Variants in SYNDIG1 observed in about 807,000 individuals in gnomAD.
SYNDIG1 encodes synapse differentiation-inducing gene protein 1.
SYNDIG1 carries 9 observed loss-of-function variants against 19.4 expected under a neutral mutation model. That is an observed-to-expected ratio of 0.46 (90% CI 0.28 to 0.81). SYNDIG1 has a LOEUF of 0.81. Ranked by LOEUF, SYNDIG1 falls within the 30% of genes least tolerant of loss-of-function variation. The probability of loss-of-function intolerance (pLI) is 0.12; values close to 1 mark genes in which losing one functional copy is unlikely to be tolerated. For synonymous variants in SYNDIG1, 141 were observed against 145.9 expected (o/e 0.97, Z 0.24); for missense variants, 311 against 343.3 (o/e 0.91, Z 0.74).
chr20:24,624,611 G>A (rs2059093111), intron 3 of SYNDIG1, among the ~76,000 whole-genome samples: 1 of 152,184 alleles, frequency 6.6e-6, no homozygotes, highest in Admixed American at 6.5e-5. Flanking sequence ...ATGCTCATTT[G>A]TCAGTAATTG....
At chr20:24,615,993 G>A (rs910033897) in intron 3 of SYNDIG1, among the ~76,000 whole-genome samples, 10 of 152,212 alleles carry the variant, frequency 6.6e-5, no homozygotes, top group African/African-American at 2.4e-4. Context: ...AGCAACACAC[G>A]GCAGAGTTTG....
chr20:24,470,121 A>AGAGC (rs908475172), intron 1 of SYNDIG1, among the ~76,000 whole-genome samples: 2 of 152,080 alleles, frequency 1.3e-5, no homozygotes, highest in Admixed American at 1.3e-4. Context: ...CCGAGAACTG[A>AGAGC]GAGCGTAGCG....
intron 1 of SYNDIG1, among the ~76,000 whole-genome samples, chr20:24,520,434 G>A (rs969471142): frequency 6.6e-6 from 1 of 150,960 alleles, no homozygotes; most frequent in Non-Finnish European, 1.5e-5. Flanking sequence ...GGTGGCTCAC[G>A]CCTATAATCC....
chr20:24,643,815 T>G (rs927355555), intron 3 of SYNDIG1, among the ~76,000 whole-genome samples: 1 of 152,210 alleles, frequency 6.6e-6, no homozygotes, highest in Non-Finnish European at 1.5e-5. Flanking sequence ...TCAGAGATGC[T>G]CTAAGAAGAA....
At chr20:24,483,131 G>T (rs1467792699) in intron 1 of SYNDIG1, among the ~76,000 whole-genome samples, 1 of 152,224 alleles carries the variant, frequency 6.6e-6, no homozygotes, top group Non-Finnish European at 1.5e-5. Context: ...GAAGTGGAAA[G>T]CCTGGAGCCT....
chr20:24,595,339 C>A (rs533665886), intron 3 of SYNDIG1, among the ~76,000 whole-genome samples: 1 of 152,296 alleles, frequency 6.6e-6, no homozygotes, highest in Non-Finnish European at 1.5e-5. Context: ...GTTGAACCAA[C>A]CTTGCATCCC....
chr20:24,650,795 A>C (rs1437667879), intron 3 of SYNDIG1, among the ~76,000 whole-genome samples: 2 of 152,012 alleles, frequency 1.3e-5, no homozygotes, highest in Non-Finnish European at 2.9e-5. Flanking sequence ...TCTGGCTCCC[A>C]AGGGCTCCCA....
intron 2 of SYNDIG1, among the ~76,000 whole-genome samples, chr20:24,557,666 GT>G (rs2057850538): frequency 6.6e-6 from 1 of 152,156 alleles, no homozygotes; most frequent in African/African-American, 2.4e-5. Flanking sequence ...TCCTCTGGAA[GT>G]TTTGTCTCAG....
At chr20:24,661,458 A>AAGG (rs2059591532) in intron 3 of SYNDIG1, among the ~76,000 whole-genome samples, 13 of 7,108 alleles carry the variant, frequency 1.8e-3, no homozygotes, top group African/African-American at 4.3e-3. Context: ...AGAGGGAGGA[A>AAGG]GTAGGAAGGA....
chr20:24,663,302 A>G (rs1568724523), intron 3 of SYNDIG1, among the ~76,000 whole-genome samples: 1 of 152,204 alleles, frequency 6.6e-6, no homozygotes, highest in Non-Finnish European at 1.5e-5. Flanking sequence ...AGCCAAACAT[A>G]TAAACCGGCG....
intron 3 of SYNDIG1, among the ~76,000 whole-genome samples, chr20:24,592,656 C>T (rs932973217): frequency 3.5e-4 from 54 of 152,178 alleles, no homozygotes; most frequent in African/African-American, 1.1e-3. Context: ...CTCCATTGCC[C>T]AGGCTTGAGT....
In SYNDIG1 at chr20:24,583,003, G is replaced by C. The variant is rs926819059; in HGVS notation, c.481-1853G>C. ...AGTAAACAGTGAGCCCAAGTTCCAC[G>C]AGAGGCCACCTGGGACGTCCTTATT... is the stretch of plus-strand genomic sequence containing the variant. On this transcript the variant is annotated intron_variant, in intron 2 of 3. Coordinates refer to ENST00000376862, the MANE Select transcript of SYNDIG1 (RefSeq NM_024893.3). 2.0e-5 allele frequency among the ~76,000 whole-genome samples: 3 copies of C among 152,324 alleles called. No individual in the cohort carries two copies. In the Middle Eastern group the frequency reaches 0.01, roughly 518 times the overall value.
chr20:24,615,755 T>TG (rs1415338379), intron 3 of SYNDIG1, among the ~76,000 whole-genome samples: 1 of 152,156 alleles, frequency 6.6e-6, no homozygotes, highest in African/African-American at 2.4e-5. Flanking sequence ...CTCAGCATGC[T>TG]GCTGCCCGAA....
rs2058474595 is a variant in SYNDIG1 at position 24,589,622 on chromosome 20, C to CCTGG, written c.618+4629_618+4630insCTGG. Among the ~76,000 whole-genome samples the CCTGG allele has an allele frequency of 3.3e-5, 5 of 152,376 alleles. No individual in the cohort carries two copies. In the South Asian group the frequency reaches 8.3e-4, roughly 25 times the overall value. On this transcript the variant is annotated intron_variant, in intron 3 of 3. Coordinates refer to ENST00000376862, the MANE Select transcript of SYNDIG1 (RefSeq NM_024893.3). ...GCATTGGGCCTGGACCTGCGCCGGG[C>CCTGG]AGGCCCGAGGGTTCCTGTGTTGACT...
chr20:24,559,655 C>A (rs1389084345), intron 2 of SYNDIG1, among the ~76,000 whole-genome samples: 3 of 152,190 alleles, frequency 2.0e-5, no homozygotes, highest in Non-Finnish European at 2.9e-5. Flanking sequence ...TCTTGTAAGA[C>A]AGGTCTGCTA....
chr20:24,477,466 C>G (rs993057416), intron 1 of SYNDIG1, among the ~76,000 whole-genome samples: 8 of 152,194 alleles, frequency 5.3e-5, no homozygotes, highest in Admixed American at 1.3e-4. Context: ...CAGTTACCAG[C>G]TAGTCTGTTC....
chr20:24,526,925 T>A (rs957553800), intron 1 of SYNDIG1, among the ~76,000 whole-genome samples: 5 of 152,240 alleles, frequency 3.3e-5, no homozygotes, highest in African/African-American at 1.2e-4. Context: ...TTTGTTGCTA[T>A]GTAGATTATC....
At chr20:24,537,152 C>T (rs562223753) in intron 1 of SYNDIG1, among the ~76,000 whole-genome samples, 43 of 152,296 alleles carry the variant, frequency 2.8e-4, no homozygotes, top group African/African-American at 9.9e-4. Flanking sequence ...TCTCCAGCCT[C>T]CTCCTCTGCT....
intron 1 of SYNDIG1, among the ~76,000 whole-genome samples, chr20:24,540,894 A>G (rs1283086468): frequency 6.6e-6 from 1 of 152,156 alleles, no homozygotes; most frequent in Non-Finnish European, 1.5e-5. Context: ...TGTCAGGGTA[A>G]TGCTGACCTC....
Sources: gnomAD v4.1 joint callset for allele counts (sites outside exome capture counted in the v4.1 genomes callset) on GRCh38, gnomAD v4.1.1 for gene constraint, MANE v1.5 for transcripts, NCBI Gene and HGNC (gene_info 2026-07-23, HGNC 2026-07-21) for gene names.